The following SYNPR variants were observed in gnomAD, a reference collection of about 807,000 sequenced individuals.
SYNPR encodes the protein synaptoporin.
A neutral mutation model predicts 32.9 loss-of-function variants in SYNPR; 23 were observed. The observed-to-expected ratio is 0.70, with a 90% CI of 0.50 to 0.99. SYNPR has a LOEUF of 0.99. Among genes scored for constraint, SYNPR ranks in the 50% least tolerant of loss-of-function variants. The probability of loss-of-function intolerance (pLI) is 0.00; values close to 1 mark genes in which losing one functional copy is unlikely to be tolerated. For missense variants in SYNPR, 318 were observed against 349.3 expected (o/e 0.91, Z 0.71); for synonymous variants, 146 against 135.9 (o/e 1.07, Z -0.52).
chr3:63,224,868 G>A (rs112981783), upstream of SYNPR, among the ~76,000 whole-genome samples: 2,674 of 152,274 alleles, frequency 0.018, 83 homozygotes, highest in African/African-American at 0.06. Flanking sequence ...GGTCATCAAG[G>A]TAGATTGCCT....
At chr3:63,254,653 G>A (rs370694029) in intron 2 of SYNPR, among the ~76,000 whole-genome samples, 206 of 152,230 alleles carry the variant, frequency 1.4e-3, no homozygotes, top group Middle Eastern at 0.01. Flanking sequence ...GGGGAAGGGG[G>A]TCTGTCATAT....
intron 2 of SYNPR, among the ~76,000 whole-genome samples, chr3:63,321,049 T>C (rs989367902): frequency 6.6e-6 from 1 of 152,196 alleles, no homozygotes. Context: ...TGAATAAGCA[T>C]GCTAGACATG....
At chr3:63,284,915 C>T (rs1395007536) in intron 2 of SYNPR, among the ~76,000 whole-genome samples, 1 of 152,100 alleles carries the variant, frequency 6.6e-6, no homozygotes, top group Non-Finnish European at 1.5e-5. Flanking sequence ...TTAACATTCC[C>T]GTTTCTCCAG....
intron 2 of SYNPR, among the ~76,000 whole-genome samples, chr3:63,281,163 C>T (rs1049057528): frequency 6.6e-6 from 1 of 152,112 alleles, no homozygotes; most frequent in African/African-American, 2.4e-5. Context: ...GATGGTAGAA[C>T]ATTTCTTCTG....
chr3:63,615,560 A>G lies in SYNPR; in HGVS notation c.*79A>G, dbSNP rs1700268219. 4 of 1,516,946 alleles carry G rather than the reference A, an allele frequency of 2.6e-6. No individual in the cohort carries two copies. The highest frequency in any genetic ancestry group is 1.4e-5 in the African/African-American group (1 of 72,198). The allele number at this position is 1,516,946 out of a possible 1,614,324, so 94.0% of individuals were successfully genotyped here. ...GCAGAAGAATTTTTTAAGGGTTTCA[A>G]TCAATTATTAATGCAGAGAGTATTG... On this transcript the variant is annotated 3_prime_UTR_variant, in exon 6 of 6. Coordinates refer to ENST00000478300, the MANE Select transcript of SYNPR (RefSeq NM_001130003.2).
intron 2 of SYNPR, among the ~76,000 whole-genome samples, chr3:63,255,762 G>A (rs1028635693): frequency 6.6e-6 from 1 of 152,136 alleles, no homozygotes; most frequent in African/African-American, 2.4e-5. Context: ...AGGACAGTGG[G>A]TGCAGTGCAC....
chr3:63,256,575 C>T (rs958236541), intron 2 of SYNPR, among the ~76,000 whole-genome samples: 10 of 152,088 alleles, frequency 6.6e-5, no homozygotes, highest in African/African-American at 2.2e-4. Flanking sequence ...CTGTATGTCA[C>T]CATCATCAAA....
At chr3:63,332,650 A>G (rs1041889693) in intron 2 of SYNPR, among the ~76,000 whole-genome samples, 3 of 152,116 alleles carry the variant, frequency 2.0e-5, no homozygotes, top group Non-Finnish European at 4.4e-5. Flanking sequence ...TTCTTCGATC[A>G]TTTGGTCTTA....
rs996384444 is a variant in SYNPR, at chr3:63,468,012, C to T, written c.85-12820C>T. On this transcript the variant is annotated intron_variant, in intron 2 of 5. Transcript: ENST00000478300. ...GTTGGGAGTTTGAGACCACCCTGAC[C>T]AACATGGAGAAACCCCATCTCTACT... is the stretch of plus-strand genomic sequence containing the variant. 9.9e-5 allele frequency among the ~76,000 whole-genome samples: 15 copies of T among 151,848 alleles called. 1 individual carries two copies. The highest frequency in any genetic ancestry group is 3.6e-4 in the African/African-American group (15 of 41,420).
intron 4 of SYNPR, among the ~76,000 whole-genome samples, chr3:63,587,160 T>G (rs764431424): frequency 6.6e-6 from 1 of 152,106 alleles, no homozygotes; most frequent in Non-Finnish European, 1.5e-5. Flanking sequence ...GTTGAATTCA[T>G]GGTCAAATGT....
chr3:63,367,409 G>T (rs550216274), intron 2 of SYNPR, among the ~76,000 whole-genome samples: 1 of 151,450 alleles, frequency 6.6e-6, no homozygotes, highest in African/African-American at 2.4e-5. Context: ...TCCCAGGCTG[G>T]AGTGCAGTCC....
At chr3:63,589,057 C>T (rs190364149) in intron 4 of SYNPR, among the ~76,000 whole-genome samples, 2 of 152,036 alleles carry the variant, frequency 1.3e-5, no homozygotes, top group Non-Finnish European at 2.9e-5. Context: ...AGGAAAGGAA[C>T]AAGCAGGTAG....
chr3:63,566,480 G>T (rs1346342554), intron 4 of SYNPR, among the ~76,000 whole-genome samples: 2 of 152,032 alleles, frequency 1.3e-5, no homozygotes, highest in African/African-American at 2.4e-5. Flanking sequence ...GGCTGTGTAG[G>T]CCTCACTGGA....
chr3:63,363,156 T>G (rs1036229442), intron 2 of SYNPR, among the ~76,000 whole-genome samples: 2 of 152,208 alleles, frequency 1.3e-5, no homozygotes, highest in Non-Finnish European at 2.9e-5. Context: ...CTTACCTTAT[T>G]GCTATTTGGT....
At chr3:63,278,630 C>A (rs1046498038) in intron 1 of SYNPR, 47 bp from the exon 2 acceptor site, 5 of 1,550,884 alleles carry the variant, frequency 3.2e-6, no homozygotes, top group Non-Finnish European at 4.4e-6. Context: ...CGCCCCCAGC[C>A]CCTTCCTCAC....
chr3:63,258,619 G>T (rs1256443288), intron 2 of SYNPR, among the ~76,000 whole-genome samples: 1 of 152,048 alleles, frequency 6.6e-6, no homozygotes, highest in South Asian at 2.1e-4. Flanking sequence ...AGAGAAAGCA[G>T]GAAAGATCTA....
rs184575762 is a variant in SYNPR, at chr3:63,551,971, C to T, written c.210-4572C>T. 7.4e-4 allele frequency among the ~76,000 whole-genome samples: 112 copies of T among 152,044 alleles called. 1 individual carries two copies. In the East Asian group the frequency reaches 0.015, roughly 21 times the overall value. ...GAGGTGCAATGGCCTGGTTTTGGCT[C>T]GCTGCAACCTCTGCCTCCCGGGTTC... On this transcript the variant is annotated intron_variant, in intron 3 of 5. Transcript: ENST00000478300.
chr3:63,421,757 T>C (rs2107132024), intron 2 of SYNPR, among the ~76,000 whole-genome samples: 1 of 152,292 alleles, frequency 6.6e-6, no homozygotes, highest in East Asian at 1.9e-4. Context: ...AGCTCTTTGG[T>C]TGTTGGCAGG....
At chr3:63,440,059 A>G (rs915960251) in intron 2 of SYNPR, among the ~76,000 whole-genome samples, 2 of 152,232 alleles carry the variant, frequency 1.3e-5, no homozygotes, top group Non-Finnish European at 2.9e-5. Flanking sequence ...GCAAGAAGGT[A>G]TCAGGCAATA....
Sources: allele counts gnomAD v4.1 joint callset (sites outside exome capture counted in the v4.1 genomes callset), GRCh38; gene constraint gnomAD v4.1.1; transcripts MANE v1.5; gene names NCBI Gene and HGNC (gene_info 2026-07-23, HGNC 2026-07-21).